TOP1: variants seen among roughly 807,000 people sequenced by gnomAD.
The protein encoded by TOP1 is DNA topoisomerase I.
In TOP1, 10 loss-of-function variants were observed where a neutral mutation model predicts 111.1. The observed-to-expected ratio is 0.09, with a 90% CI of 0.06 to 0.15. The LOEUF is 0.15. Ranked by LOEUF, TOP1 falls within the 10% of genes least tolerant of loss-of-function variation. The pLI, the probability that TOP1 is intolerant of heterozygous loss-of-function variation, is 1.00. For synonymous variants in TOP1, 271 were observed against 302.9 expected (o/e 0.89, Z 1.10); for missense variants, 474 against 926.7 (o/e 0.51, Z 6.34).
chr20:41,058,607 T>TA lies in TOP1; in HGVS notation c.59-2786dup, dbSNP rs1398717698. Among the ~76,000 whole-genome samples the TA allele has an allele frequency of 6.6e-6, 1 of 152,222 alleles. No individual in the cohort carries two copies. The highest frequency in any genetic ancestry group is 1.5e-5 in the Non-Finnish European group (1 of 68,038). On this transcript the variant is annotated intron_variant, in intron 2 of 20. Transcript: ENST00000361337. The surrounding 1 kb of genome is among the most constrained non-coding windows in gnomAD (Gnocchi z 4.2). Reference sequence around the variant, plus strand: ...GGAGAGAGCAGGAAGGAAGATCTAATACCTTTTATGGCCTAGTGTCGGAAG... The same window carrying TA: ...GGAGAGAGCAGGAAGGAAGATCTAATAACCTTTTATGGCCTAGTGTCGGAAG...
chr20:41,115,225 G>C lies in TOP1; in HGVS notation c.1639-146G>C, dbSNP rs1167575550. On this transcript the variant is annotated intron_variant, in intron 15 of 20. Transcript: ENST00000361337. The surrounding 1 kb of genome is among the most constrained non-coding windows in gnomAD (Gnocchi z 6.3). ...TGCACACTGTGCAAATGATGAATGG[G>C]GTAAAATGTTAACAGTGAATCTCGG... The C allele has an allele frequency of 1.7e-6, 1 of 594,200 alleles. No individual in the cohort carries two copies. Among genetic ancestry groups the C allele is most frequent in the Non-Finnish European group, 3.0e-6 (1 of 330,714 alleles). 36.8% of individuals were successfully genotyped at this position (594,200 alleles called of 1,614,324 possible). A position where few individuals can be genotyped will look rare whatever the true frequency, so the allele number is the denominator to read the frequency against.
intron 3 of TOP1, among the ~76,000 whole-genome samples, chr20:41,072,073 CAAAA>C (rs1161584711): frequency 6.6e-6 from 1 of 152,166 alleles, no homozygotes; most frequent in South Asian, 2.1e-4. Context: ...AATGGGGAGA[CAAAA>C]AAGGCAACCC....
At chr20:41,063,706 T>A (rs918588668) in intron 3 of TOP1, among the ~76,000 whole-genome samples, 1 of 152,220 alleles carries the variant, frequency 6.6e-6, no homozygotes. Flanking sequence ...GGAGCATTTT[T>A]TCATACATTT....
chr20:41,123,298 C>T lies in TOP1; in HGVS notation c.*1C>T. 1 of 1,607,644 alleles carries T rather than the reference C, an allele frequency of 6.2e-7. No homozygotes were observed. On this transcript the variant is annotated 3_prime_UTR_variant, in exon 21 of 21. Transcript: ENST00000361337. The surrounding 1 kb of genome is among the most constrained non-coding windows in gnomAD (Gnocchi z 5.8). ...GGCTGATGAAGACTATGAGTTTTAG[C>T]CAGTCTCAAGAGGCAGAGTTCTGTG... is the stretch of plus-strand genomic sequence containing the variant.
intron 3 of TOP1, among the ~76,000 whole-genome samples, chr20:41,066,689 G>C (rs1004823565): frequency 6.6e-6 from 1 of 151,410 alleles, no homozygotes; most frequent in East Asian, 1.9e-4. Context: ...CGAGTAGCTG[G>C]GACTACAGGT....
Position 41,061,561 on chromosome 20 carries a change from A to G in TOP1, c.155+71A>G, listed in dbSNP as rs541701049. On this transcript the variant is annotated intron_variant, in intron 3 of 20. Transcript: ENST00000361337. The surrounding 1 kb of genome is among the most constrained non-coding windows in gnomAD (Gnocchi z 4.6). ...GGCCATTGCTTGGCTTACCTGGAAT[A>G]GGTCTTAACTTGAGCTACATGTAAA... 1.5e-6 allele frequency: 2 copies of G among 1,318,080 alleles called. No homozygotes were observed. The highest frequency in any genetic ancestry group is 1.3e-5 in the South Asian group (1 of 77,818). The allele number at this position is 1,318,080 out of a possible 1,614,324, so 81.6% of individuals were successfully genotyped here. A position where few individuals can be genotyped will look rare whatever the true frequency, so the allele number is the denominator to read the frequency against.
rs1009336761 is a variant in TOP1, at chr20:41,030,467, A to G, written c.58+1012A>G. On this transcript the variant is annotated intron_variant, in intron 2 of 20. Coordinates refer to ENST00000361337, the MANE Select transcript of TOP1 (RefSeq NM_003286.4). The surrounding 1 kb of genome is among the most constrained non-coding windows in gnomAD (Gnocchi z 4.1). ...ACGAGCCACTGTTTTTCAGGAATCA[A>G]GAACTGGCTTTTTTTTTTTTTCCCA... is the stretch of plus-strand genomic sequence containing the variant. Among the ~76,000 whole-genome samples the G allele has an allele frequency of 2.0e-5, 3 of 149,898 alleles. No homozygotes were observed. The highest frequency in any genetic ancestry group is 7.3e-5 in the African/African-American group (3 of 40,910).
rs188896693 is a variant in TOP1 at position 41,071,950 on chromosome 20, T to G, written c.156-4221T>G. Reference sequence around the variant, plus strand: ...AGTTCTAGGACTGCTACTGTCTGTATTTTTGTCCTTCAGCATATCCCAGAC... The same window carrying G: ...AGTTCTAGGACTGCTACTGTCTGTAGTTTTGTCCTTCAGCATATCCCAGAC... On this transcript the variant is annotated intron_variant, in intron 3 of 20. Coordinates refer to ENST00000361337, the MANE Select transcript of TOP1 (RefSeq NM_003286.4). The surrounding 1 kb of genome is among the most constrained non-coding windows in gnomAD (Gnocchi z 4.3). Among the ~76,000 whole-genome samples, 92 of 152,362 alleles carry G rather than the reference T, an allele frequency of 6.0e-4. 1 individual carries two copies. The highest frequency in any genetic ancestry group is 1.1e-3 in the Non-Finnish European group (77 of 68,034).
At position 41,114,306 on chromosome 20, in the gene TOP1, C is replaced by A; in HGVS notation, c.1638+151C>A. The A allele has an allele frequency of 1.5e-6, 1 of 647,534 alleles. No individual in the cohort carries two copies. Among genetic ancestry groups the A allele is most frequent in the South Asian group, 2.0e-5 (1 of 49,746 alleles). 40.1% of individuals were successfully genotyped at this position (647,534 alleles called of 1,614,324 possible). ...GCACATGCCTGTAGACCCAGCTATT[C>A]AGAAGGCTGAGACAGGAGGATCACT... On this transcript the variant is annotated intron_variant, in intron 15 of 20. Coordinates refer to ENST00000361337, the MANE Select transcript of TOP1 (RefSeq NM_003286.4). This position sits in a 1 kb window ranked among gnomAD's most constrained non-coding sequence, Gnocchi z 4.5.
intron 9 of TOP1, among the ~76,000 whole-genome samples, chr20:41,093,852 G>GA (rs369482408): frequency 1.3e-3 from 191 of 152,314 alleles, no homozygotes; most frequent in Non-Finnish European, 2.3e-3. Context: ...TGCAACTGAA[G>GA]AAAGTGCCAA....
chr20:41,048,503 TTTTATA>T (rs2033361624), intron 2 of TOP1, among the ~76,000 whole-genome samples: 2 of 152,236 alleles, frequency 1.3e-5, no homozygotes, highest in South Asian at 4.1e-4. Context: ...ATAAAGGTCA[TTTTATA>T]GATCAGAAAA....
rs2034333765 is a variant in TOP1 at position 41,116,560 on chromosome 20, A to G, written c.1822+168A>G. 6.6e-6 allele frequency among the ~76,000 whole-genome samples: 1 copy of G among 152,206 alleles called. No individual in the cohort carries two copies. Among genetic ancestry groups the G allele is most frequent in the Non-Finnish European group, 1.5e-5 (1 of 68,050 alleles). ...AGATAATGCTTTGTTGTATAAACAT[A>G]GGATCAATGCTGTTTCCCCCTTCCC... On this transcript the variant is annotated intron_variant, in intron 17 of 20. Coordinates refer to ENST00000361337, the MANE Select transcript of TOP1 (RefSeq NM_003286.4). This position sits in a 1 kb window ranked among gnomAD's most constrained non-coding sequence, Gnocchi z 5.6.
In TOP1 at chr20:41,114,284, C is replaced by A. The variant is rs2034293553; in HGVS notation, c.1638+129C>A. 3.9e-6 allele frequency: 3 copies of A among 762,640 alleles called. No individual in the cohort carries two copies. Among genetic ancestry groups the A allele is most frequent in the Non-Finnish European group, 6.5e-6 (3 of 461,064 alleles). The allele number at this position is 762,640 out of a possible 1,614,324, so 47.2% of individuals were successfully genotyped here. A position where few individuals can be genotyped will look rare whatever the true frequency, so the allele number is the denominator to read the frequency against. ...GTGACTTGAGACAGGCAACATGGCA[C>A]ATGCCTGTAGACCCAGCTATTCAGA... On this transcript the variant is annotated intron_variant, in intron 15 of 20. Coordinates refer to ENST00000361337, the MANE Select transcript of TOP1 (RefSeq NM_003286.4). This position sits in a 1 kb window ranked among gnomAD's most constrained non-coding sequence, Gnocchi z 4.5.
intron 3 of TOP1, chr20:41,072,817 A>G: frequency 1.0e-6 from 1 of 985,436 alleles, no homozygotes; most frequent in South Asian, 4.7e-5. Flanking sequence ...AATGCCCTGT[A>G]ATAGAAGCTG....
At chr20:41,042,656 G>A (rs1354854266) in intron 2 of TOP1, among the ~76,000 whole-genome samples, 3 of 152,186 alleles carry the variant, frequency 2.0e-5, no homozygotes, top group Admixed American at 2.0e-4. Context: ...GTTGACGCTT[G>A]AACAACACGA....
At position 41,058,778 on chromosome 20, in the gene TOP1, G is replaced by T. The variant is rs1162799714; in HGVS notation, c.59-2616G>T. The stretch of plus-strand genomic sequence containing the variant: ...ATAGTCAAGATTGTGTTTGTGTAAG[G>T]TTAGAATAGAGGGTCCGGAAATAGA... On this transcript the variant is annotated intron_variant, in intron 2 of 20. Coordinates refer to ENST00000361337, the MANE Select transcript of TOP1 (RefSeq NM_003286.4). This position sits in a 1 kb window ranked among gnomAD's most constrained non-coding sequence, Gnocchi z 4.2. 6.6e-6 allele frequency among the ~76,000 whole-genome samples: 1 copy of T among 152,130 alleles called. No individual in the cohort carries two copies. The highest frequency in any genetic ancestry group is 1.9e-4 in the East Asian group (1 of 5,196).
chr20:41,030,128 T>TA lies in TOP1; in HGVS notation c.58+674dup, dbSNP rs1442182010. On this transcript the variant is annotated intron_variant, in intron 2 of 20. Coordinates refer to ENST00000361337, the MANE Select transcript of TOP1 (RefSeq NM_003286.4). The surrounding 1 kb of genome is among the most constrained non-coding windows in gnomAD (Gnocchi z 4.1). Reference sequence around the variant, plus strand: ...TATTTCCAGGTTGTTTTTCCCAAGTTACGTTCTTTGCAAAGGTAGCAGTAC... The same window carrying TA: ...TATTTCCAGGTTGTTTTTCCCAAGTTAACGTTCTTTGCAAAGGTAGCAGTAC... Among the ~76,000 whole-genome samples the TA allele has an allele frequency of 2.6e-5, 4 of 152,226 alleles. No individual in the cohort carries two copies. The highest frequency in any genetic ancestry group is 9.6e-5 in the African/African-American group (4 of 41,456).
chr20:41,111,235 TGTGTAAGAACA>T (rs1214085960), intron 13 of TOP1, among the ~76,000 whole-genome samples: 1 of 152,212 alleles, frequency 6.6e-6, no homozygotes, highest in Admixed American at 6.5e-5. Flanking sequence ...TTTCCGTGCA[TGTGTAAGAACA>T]GTTGTCATGG....
chr20:41,073,605 G>T (rs1232972937), intron 3 of TOP1, among the ~76,000 whole-genome samples: 2 of 152,160 alleles, frequency 1.3e-5, no homozygotes, highest in African/African-American at 2.4e-5. Context: ...TTGATATGTA[G>T]TGGAGGCTGC....
Sources: allele counts gnomAD v4.1 joint callset (sites outside exome capture counted in the v4.1 genomes callset), GRCh38; gene constraint gnomAD v4.1.1; non-coding constraint Gnocchi (gnomAD v3.1); transcripts MANE v1.5; gene names NCBI Gene and HGNC (gene_info 2026-07-23, HGNC 2026-07-21).